The following CUX1 variants were observed in gnomAD, a reference collection of about 807,000 sequenced individuals.
The protein encoded by CUX1 is protein CASP.
Under a neutral mutation model 158.8 loss-of-function variants are expected in CUX1, and 31 were observed. The ratio of observed to expected loss-of-function variants is 0.20; its 90% CI spans 0.15 to 0.26. The LOEUF (loss-of-function observed/expected upper bound fraction) is 0.26. Ranked by LOEUF, CUX1 falls within the 10% of genes least tolerant of loss-of-function variation. CUX1 has a pLI of 1.00. For synonymous variants in CUX1, 879 were observed against 862.1 expected (o/e 1.02, Z -0.34); for missense variants, 1,589 against 2,014.6 (o/e 0.79, Z 4.04).
At chr7:101,825,269 G>T (rs1045373828) in intron 1 of CUX1, among the ~76,000 whole-genome samples, 1 of 152,238 alleles carries the variant, frequency 6.6e-6, no homozygotes, top group Admixed American at 6.5e-5. Flanking sequence ...AGAGGAGCAT[G>T]TGTTTAAACC....
At chr7:102,110,588 GTA>G (rs1830786035) in intron 6 of CUX1, among the ~76,000 whole-genome samples, 1 of 152,026 alleles carries the variant, frequency 6.6e-6, no homozygotes, top group African/African-American at 2.4e-5. Context: ...AGTGTGTTAC[GTA>G]TTAGTTCATA....
intron 21 of CUX1, among the ~76,000 whole-genome samples, chr7:102,230,561 C>T (rs532409071): frequency 6.6e-6 from 1 of 152,030 alleles, no homozygotes; most frequent in Non-Finnish European, 1.5e-5. Flanking sequence ...ATCTAACAGC[C>T]TGGAGGTTAG....
chr7:102,274,436 C>A, intron 16 of CUX1: 1 of 734,270 alleles, frequency 1.4e-6, no homozygotes, highest in Non-Finnish European at 2.2e-6. Flanking sequence ...CCCACGCCTG[C>A]AATGCAGCAG....
chr7:102,133,132 C>A (rs1169262595), intron 8 of CUX1, among the ~76,000 whole-genome samples: 1 of 152,126 alleles, frequency 6.6e-6, no homozygotes, highest in African/African-American at 2.4e-5. Flanking sequence ...AAAATCTCTC[C>A]GTGGCACCCT....
chr7:101,863,093 A>C (rs1295757043), intron 1 of CUX1, among the ~76,000 whole-genome samples: 1 of 152,162 alleles, frequency 6.6e-6, no homozygotes, highest in East Asian at 1.9e-4. Context: ...ATCTTTTGCC[A>C]TCCACAGATA....
chr7:101,962,404 G>C (rs1810617811), intron 2 of CUX1, among the ~76,000 whole-genome samples: 1 of 152,182 alleles, frequency 6.6e-6, no homozygotes, highest in Admixed American at 6.5e-5. Flanking sequence ...ATGAAAATTT[G>C]ATCTTGATTT....
At chr7:102,010,472 A>G (rs749241931) in intron 2 of CUX1, among the ~76,000 whole-genome samples, 1 of 151,814 alleles carries the variant, frequency 6.6e-6, no homozygotes, top group Non-Finnish European at 1.5e-5. Flanking sequence ...TGAACCATGC[A>G]TAGCATCTCT....
At chr7:102,036,157 G>A (rs895179500) in intron 3 of CUX1, among the ~76,000 whole-genome samples, 1 of 151,902 alleles carries the variant, frequency 6.6e-6, no homozygotes, top group African/African-American at 2.4e-5. Flanking sequence ...AGTAAAGACG[G>A]TTTCGCCAGG....
chr7:101,855,359 C>T (rs562962082), intron 1 of CUX1, among the ~76,000 whole-genome samples: 2 of 152,294 alleles, frequency 1.3e-5, no homozygotes, highest in Admixed American at 6.5e-5. Context: ...GGTGAGGGGC[C>T]GTGTCCTCCG....
At chr7:102,230,128 A>G (rs1798804185) in intron 21 of CUX1, among the ~76,000 whole-genome samples, 1 of 152,140 alleles carries the variant, frequency 6.6e-6, no homozygotes, top group South Asian at 2.1e-4. Flanking sequence ...CTGCTCATGG[A>G]AAGGCCTTGT....
chr7:102,104,162 C>T (rs1830090206), intron 5 of CUX1, among the ~76,000 whole-genome samples, 174 bp from the exon 6 acceptor site: 1 of 151,676 alleles, frequency 6.6e-6, no homozygotes, highest in African/African-American at 2.4e-5. Flanking sequence ...TTCAATTTAA[C>T]ATTTAGGGAG....
At chr7:101,882,859 T>G (rs1799855191) in intron 1 of CUX1, among the ~76,000 whole-genome samples, 1 of 152,174 alleles carries the variant, frequency 6.6e-6, no homozygotes, top group African/African-American at 2.4e-5. Flanking sequence ...CCCAGTGACC[T>G]TGTTTCCTTG....
At chr7:102,197,596 T>TAA (rs1794926599) in intron 15 of CUX1, among the ~76,000 whole-genome samples, 1 of 152,284 alleles carries the variant, frequency 6.6e-6, no homozygotes, top group Admixed American at 6.5e-5. Flanking sequence ...TTACATGATG[T>TAA]ATAGCGTCTC....
chr7:102,205,020 TG>T, intron 19 of CUX1, 93 bp from the exon 20 acceptor site: 1 of 864,960 alleles, frequency 1.2e-6, no homozygotes, highest in Non-Finnish European at 1.9e-6. Context: ...CCAGGAGGAA[TG>T]GGAAGCCTCC....
chr7:101,949,102 A>G (rs1808737621), intron 2 of CUX1, among the ~76,000 whole-genome samples: 1 of 152,160 alleles, frequency 6.6e-6, no homozygotes, highest in African/African-American at 2.4e-5. Flanking sequence ...TTCTTCTCCC[A>G]CAGATTGTTT....
At chr7:102,278,079 C>A (rs781971717) in intron 18 of CUX1, 1 of 1,579,540 alleles carries the variant, frequency 6.3e-7, no homozygotes, top group Non-Finnish European at 8.7e-7. Flanking sequence ...AGGGCCCTCC[C>A]CTGGCCTCAG....
chr7:101,894,941 T>C (rs1367025651), intron 1 of CUX1, among the ~76,000 whole-genome samples: 1 of 152,088 alleles, frequency 6.6e-6, no homozygotes, highest in African/African-American at 2.4e-5. Context: ...AGTGCTGGGA[T>C]GGTGACCTCC....
chr7:101,999,752 GT>G (rs1157666861), intron 2 of CUX1, among the ~76,000 whole-genome samples: 3 of 152,184 alleles, frequency 2.0e-5, no homozygotes, highest in African/African-American at 7.2e-5. Context: ...GGGCTGCTTG[GT>G]TTAAGATTAT....
intron 4 of CUX1, among the ~76,000 whole-genome samples, chr7:102,073,201 T>G (rs1156988547): frequency 1.9e-5 from 2 of 105,452 alleles, no homozygotes; most frequent in African/African-American, 6.6e-5. Context: ...TGAGACAGAG[T>G]CGCACTCTGT....
Sources: gnomAD v4.1 joint callset for allele counts (sites outside exome capture counted in the v4.1 genomes callset) on GRCh38, gnomAD v4.1.1 for gene constraint, MANE v1.5 for transcripts, NCBI Gene and HGNC (gene_info 2026-07-23, HGNC 2026-07-21) for gene names.